Variants in CORIN observed in about 807,000 individuals in gnomAD.
CORIN encodes corin, serine peptidase, also known as atrial natriuretic peptide-converting enzyme.
In CORIN, 117 loss-of-function variants were observed where a neutral mutation model predicts 125.3. That is an observed-to-expected ratio of 0.93 (90% CI 0.80 to 1.09). The LOEUF (loss-of-function observed/expected upper bound fraction) is 1.09, where lower values mean the gene tolerates loss of function less well. Among genes scored for constraint, CORIN ranks in the 50% least tolerant of loss-of-function variants. The pLI, the probability that CORIN is intolerant of heterozygous loss-of-function variation, is 0.00. For missense variants in CORIN, 1,253 were observed against 1,306.7 expected (o/e 0.96, Z 0.63); for synonymous variants, 450 against 466.4 (o/e 0.96, Z 0.45).
At chr4:47,699,884 G>C (rs1005755873) in intron 5 of CORIN, among the ~76,000 whole-genome samples, 1 of 152,140 alleles carries the variant, frequency 6.6e-6, no homozygotes, top group Non-Finnish European at 1.5e-5. Context: ...ACTGGCCTGT[G>C]ATGATGTGTC....
intron 16 of CORIN, among the ~76,000 whole-genome samples, chr4:47,634,161 G>T (rs1353798588): frequency 6.6e-6 from 1 of 152,148 alleles, no homozygotes; most frequent in Non-Finnish European, 1.5e-5. Flanking sequence ...TACCCTCAAG[G>T]CTCTTCAGCT....
chr4:47,683,699 A>G (rs759497453), intron 7 of CORIN, 32 bp downstream of exon 7: 3 of 1,501,162 alleles, frequency 2.0e-6, no homozygotes, highest in Admixed American at 3.7e-5. Flanking sequence ...ATGATTTTAA[A>G]TTAAAACCTT....
intron 1 of CORIN, among the ~76,000 whole-genome samples, chr4:47,831,196 G>A (rs1271327102): frequency 6.6e-6 from 1 of 152,214 alleles, no homozygotes; most frequent in African/African-American, 2.4e-5. Context: ...CACTGCATTT[G>A]TCACCACCAG....
intron 19 of CORIN, among the ~76,000 whole-genome samples, chr4:47,613,446 C>T (rs1347175659): frequency 6.6e-6 from 1 of 151,956 alleles, no homozygotes; most frequent in African/African-American, 2.4e-5. Flanking sequence ...GAGCGAGACT[C>T]CGTCTCAAAA....
chr4:47,722,302 A>C (rs1396547732), intron 5 of CORIN, among the ~76,000 whole-genome samples: 4 of 152,218 alleles, frequency 2.6e-5, no homozygotes, highest in Admixed American at 6.5e-5. Context: ...GATAGTTTTA[A>C]AGGAATCAAT....
intron 5 of CORIN, among the ~76,000 whole-genome samples, chr4:47,718,584 C>G (rs1316507998): frequency 6.6e-6 from 1 of 152,150 alleles, no homozygotes; most frequent in Non-Finnish European, 1.5e-5. Flanking sequence ...TCATTGTAAC[C>G]TAACGTGAGC....
At chr4:47,613,724 C>T (rs189964787) in intron 19 of CORIN, among the ~76,000 whole-genome samples, 8,391 of 147,370 alleles carry the variant, frequency 0.057, 279 homozygotes, top group Non-Finnish European at 0.086. Flanking sequence ...AACCAAACAC[C>T]GCATGTTCTC....
chr4:47,625,168 C>T (rs1209808769), intron 17 of CORIN, among the ~76,000 whole-genome samples: 1 of 152,000 alleles, frequency 6.6e-6, no homozygotes, highest in Non-Finnish European at 1.5e-5. Context: ...GTGTATGTTC[C>T]CTGAGATGAG....
intron 3 of CORIN, among the ~76,000 whole-genome samples, chr4:47,785,256 G>A (rs567450728): frequency 6.0e-4 from 92 of 152,272 alleles, no homozygotes; most frequent in African/African-American, 2.1e-3. Context: ...AGCATTGGTT[G>A]TATCACACCC....
In CORIN at chr4:47,826,204, C is replaced by A. The variant is rs570997579; in HGVS notation, c.63+11683G>T. Among the ~76,000 whole-genome samples the A allele has an allele frequency of 1.1e-4, 17 of 152,298 alleles. No individual in the cohort carries two copies. In the South Asian group the frequency reaches 1.7e-3, roughly 15 times the overall value. ...CCTAGGAATGACTGCAAATGCCTAC[C>A]CCAGCACAAGCTGAGATGAACAACT... On this transcript the variant is annotated intron_variant, in intron 1 of 21. Coordinates refer to ENST00000273857, the MANE Select transcript of CORIN (RefSeq NM_006587.4).
At chr4:47,713,009 T>A (rs947370688) in intron 5 of CORIN, among the ~76,000 whole-genome samples, 7 of 152,100 alleles carry the variant, frequency 4.6e-5, no homozygotes, top group African/African-American at 1.7e-4. Flanking sequence ...TTATAGTAGA[T>A]AATACGCATA....
chr4:47,618,566 T>A (rs1296416206), intron 19 of CORIN, among the ~76,000 whole-genome samples: 1 of 151,892 alleles, frequency 6.6e-6, no homozygotes, highest in Non-Finnish European at 1.5e-5. Context: ...ACGCCTGTAA[T>A]CCCAGCACTT....
intron 3 of CORIN, among the ~76,000 whole-genome samples, chr4:47,777,837 C>T (rs1456504738): frequency 1.3e-5 from 2 of 152,194 alleles, no homozygotes; most frequent in Non-Finnish European, 2.9e-5. Flanking sequence ...CAAGTAACAG[C>T]AAACAGATTC....
At chr4:47,642,749 G>A (rs1226478726) in intron 15 of CORIN, 2 of 1,012,588 alleles carry the variant, frequency 2.0e-6, no homozygotes, top group East Asian at 2.6e-5. Context: ...AGAAGTCTTG[G>A]ACCTGAAGAG....
At chr4:47,623,548 A>C in intron 19 of CORIN, 23 bp downstream of exon 19, 1 of 1,607,286 alleles carries the variant, frequency 6.2e-7, no homozygotes, top group Non-Finnish European at 8.5e-7. Flanking sequence ...CAGGCAAAGG[A>C]AAAAAGGAAA....
chr4:47,677,828 T>C (rs949395428), intron 9 of CORIN, 110 bp downstream of exon 9: 10 of 754,962 alleles, frequency 1.3e-5, no homozygotes, highest in African/African-American at 5.1e-5. Flanking sequence ...TTAGGCAATC[T>C]GGGATTATTT....
chr4:47,760,925 G>A (rs1729418731), intron 4 of CORIN, among the ~76,000 whole-genome samples: 1 of 152,192 alleles, frequency 6.6e-6, no homozygotes, highest in Admixed American at 6.6e-5. Flanking sequence ...TAAATCTCAT[G>A]AACCAATCTC....
intron 1 of CORIN, among the ~76,000 whole-genome samples, chr4:47,825,171 C>T (rs1177915854): frequency 1.3e-5 from 2 of 152,200 alleles, no homozygotes; most frequent in African/African-American, 4.8e-5. Context: ...TGCGGACTCT[C>T]CAGTTCCTTA....
chr4:47,831,745 A>T (rs909090745), intron 1 of CORIN, among the ~76,000 whole-genome samples: 3 of 152,096 alleles, frequency 2.0e-5, no homozygotes, highest in African/African-American at 7.2e-5. Flanking sequence ...AGTGTCTCCA[A>T]AATATATGTT....
Sources: allele counts gnomAD v4.1 joint callset (sites outside exome capture counted in the v4.1 genomes callset), GRCh38; gene constraint gnomAD v4.1.1; transcripts MANE v1.5; gene names NCBI Gene and HGNC (gene_info 2026-07-23, HGNC 2026-07-21).